Variants in MTHFD1 observed in about 807,000 individuals in gnomAD.
MTHFD1 encodes C-1-tetrahydrofolate synthase, cytoplasmic.
Under a neutral mutation model 110.3 loss-of-function variants are expected in MTHFD1, and 44 were observed. The observed-to-expected ratio is 0.40, with a 90% CI of 0.31 to 0.51. The LOEUF is 0.51. MTHFD1 is among the 20% of genes least tolerant of loss of function. The probability of loss-of-function intolerance (pLI) is 0.60; values close to 1 mark genes in which losing one functional copy is unlikely to be tolerated. For missense variants in MTHFD1, 909 were observed against 1,173.1 expected, an observed-to-expected ratio of 0.77 and a Z score of 3.29; for synonymous variants, 402 against 428.8, an observed-to-expected ratio of 0.94 and a Z score of 0.77.
intron 3 of MTHFD1, among the ~76,000 whole-genome samples, chr14:64,411,781 A>G (rs971969800): frequency 3.9e-5 from 6 of 152,066 alleles, no homozygotes; most frequent in Non-Finnish European, 5.9e-5. Context: ...CATGCCTGTA[A>G]TCCCAGCTAC....
At chr14:64,440,750 T>C in intron 18 of MTHFD1, 2 of 252,456 alleles carry the variant, frequency 7.9e-6, no homozygotes, top group South Asian at 4.8e-5. Context: ...TACAAATAAC[T>C]GAGTACTCTG....
At chr14:64,407,648 A>G (rs2077945698) in intron 2 of MTHFD1, among the ~76,000 whole-genome samples, 1 of 147,104 alleles carries the variant, frequency 6.8e-6, no homozygotes, top group African/African-American at 2.5e-5. Flanking sequence ...CCTGTCCCCC[A>G]GGGGATCCTC....
At chr14:64,435,384 G>C (rs1489728274) in intron 15 of MTHFD1, among the ~76,000 whole-genome samples, 185 bp from the exon 16 acceptor site, 1 of 152,010 alleles carries the variant, frequency 6.6e-6, no homozygotes, top group Non-Finnish European at 1.5e-5. Context: ...ATAATTTTTT[G>C]TAATGTCTTT....
At chr14:64,412,195 G>A (rs2077990373) in intron 3 of MTHFD1, among the ~76,000 whole-genome samples, 1 of 152,198 alleles carries the variant, frequency 6.6e-6, no homozygotes, top group Non-Finnish European at 1.5e-5. Flanking sequence ...GCATGACCCA[G>A]TTCCCAGCTT....
intron 2 of MTHFD1, among the ~76,000 whole-genome samples, chr14:64,408,197 TA>T (rs922500390): frequency 4.7e-5 from 7 of 148,000 alleles, no homozygotes; most frequent in Non-Finnish European, 7.4e-5. Context: ...ACTCCTGGTA[TA>T]AAAAAAAAGT....
chr14:64,415,638 G>A lies in MTHFD1; in HGVS notation c.378-1G>A. The A allele has an allele frequency of 1.2e-6, 2 of 1,612,786 alleles. No individual in the cohort carries two copies. The highest frequency in any genetic ancestry group is 1.7e-6 in the Non-Finnish European group (2 of 1,178,832). On this transcript the variant is annotated splice_acceptor_variant, in intron 5 of 27. Transcript: ENST00000652337. LOFTEE classifies it high-confidence loss of function. ...CTTCTTATTTCCATCACTTTTTTAAGATTGACTAGCATCAATGCTGGGAAA... is the reference window on the plus strand; with the variant it reads ...CTTCTTATTTCCATCACTTTTTTAAAATTGACTAGCATCAATGCTGGGAAA...
intron 22 of MTHFD1, among the ~76,000 whole-genome samples, chr14:64,445,901 A>G (rs2078286307): frequency 1.3e-5 from 2 of 152,230 alleles, no homozygotes; most frequent in Non-Finnish European, 2.9e-5. Flanking sequence ...GTTCTTTAGA[A>G]GCTCAAATAA....
At chr14:64,397,184 TATATATAA>T (rs1214363686) in intron 1 of MTHFD1, among the ~76,000 whole-genome samples, 3,157 of 13,388 alleles carry the variant, frequency 0.24, 725 homozygotes, top group Middle Eastern at 0.44. Context: ...TATATATATA[TATATATAA>T]AAAACAGTAA....
intron 18 of MTHFD1, 98 bp from the exon 19 acceptor site, chr14:64,441,287 A>G (rs1036356021): frequency 8.9e-7 from 1 of 1,122,018 alleles, no homozygotes; most frequent in Non-Finnish European, 1.4e-6. Context: ...TTGGTCCAAG[A>G]TGGCTAACAT....
At chr14:64,456,527 C>A (rs1042859510) in intron 26 of MTHFD1, among the ~76,000 whole-genome samples, 1 of 152,112 alleles carries the variant, frequency 6.6e-6, no homozygotes, top group Non-Finnish European at 1.5e-5. Context: ...GTGAAAATAT[C>A]AAAAATCCTA....
chr14:64,441,084 C>G, intron 18 of MTHFD1: 1 of 372,276 alleles, frequency 2.7e-6, no homozygotes, highest in Non-Finnish European at 5.2e-6. Context: ...CCCAGCTACT[C>G]GGGAGGCTGA....
rs1312467880 is a variant in MTHFD1, at chr14:64,415,742, A to G, written c.478+3A>G. The stretch of plus-strand genomic sequence containing the variant: ...CTTGGAACTCATCAAAGAGACAGGT[A>G]AAAACAACAAACCAAACAACAAGAA... On this transcript the variant is annotated splice_donor_region_variant and intron_variant, in intron 6 of 27. Coordinates refer to ENST00000652337, the MANE Select transcript of MTHFD1 (RefSeq NM_005956.4). The G allele has an allele frequency of 1.2e-6, 2 of 1,613,708 alleles. No homozygotes were observed. The highest frequency in any genetic ancestry group is 3.3e-5 in the Admixed American group (2 of 60,006).
rs1438326301 is a variant in MTHFD1, at chr14:64,418,110, T to A, written c.615+86T>A. 6 of 1,493,528 alleles carry A rather than the reference T, an allele frequency of 4.0e-6. No individual in the cohort carries two copies. The African/African-American group carries it at 8.3e-5, about 21-fold the overall frequency. The allele number at this position is 1,493,528 out of a possible 1,614,324, so 92.5% of individuals were successfully genotyped here. On this transcript the variant is annotated intron_variant, in intron 7 of 27. Coordinates refer to ENST00000652337, the MANE Select transcript of MTHFD1 (RefSeq NM_005956.4). Reference sequence around the variant, plus strand: ...TGCCATGTCCTTTACACTCATGACCTCATTTAACCCCATCATCTCATTTTT... The same window carrying A: ...TGCCATGTCCTTTACACTCATGACCACATTTAACCCCATCATCTCATTTTT...
chr14:64,418,068 G>T (rs750918357), intron 7 of MTHFD1, 44 bp downstream of exon 7: 250 of 1,612,550 alleles, frequency 1.6e-4, no homozygotes, highest in Non-Finnish European at 2.0e-4. Context: ...GGTGGGGAGG[G>T]TGGGTGTGCC....
chr14:64,457,563 C>T (rs546592094), intron 26 of MTHFD1, among the ~76,000 whole-genome samples: 1 of 151,634 alleles, frequency 6.6e-6, no homozygotes, highest in East Asian at 1.9e-4. Context: ...TCAAGCGATT[C>T]TCCTGCCTCA....
intron 22 of MTHFD1, among the ~76,000 whole-genome samples, chr14:64,447,519 G>A (rs1179837629): frequency 6.9e-6 from 1 of 144,876 alleles, no homozygotes; most frequent in African/African-American, 2.6e-5. Context: ...ATGTTTCCTA[G>A]GCTTGTCTCA....
At chr14:64,441,538 GGCTCACACCTGTAATCCCA>G in intron 19 of MTHFD1, 85 bp downstream of exon 19, 2 of 1,278,830 alleles carry the variant, frequency 1.6e-6, no homozygotes, top group South Asian at 2.4e-5. Flanking sequence ...AAGGCGCGGT[GGCTCACACCTGTAATCCCA>G]GCACTTTGGG....
intron 22 of MTHFD1, among the ~76,000 whole-genome samples, chr14:64,446,600 G>A (rs1185871920): frequency 6.6e-6 from 1 of 152,100 alleles, no homozygotes; most frequent in Non-Finnish European, 1.5e-5. Context: ...GGAGTGCAGT[G>A]GTGTGATCTC....
rs752870251 is a variant in MTHFD1, at chr14:64,412,542, T to C, written c.240+17T>C. The C allele has an allele frequency of 1.2e-6, 2 of 1,606,330 alleles. No individual in the cohort carries two copies. Among genetic ancestry groups the C allele is most frequent in the African/African-American group, 1.3e-5 (1 of 74,802 alleles). ...GAATCTGAGGTGAGCTTTTATGAGT[T>C]GATTGTGAAGAGGGAAGGTGAAGTG... On this transcript the variant is annotated intron_variant, in intron 4 of 27. Transcript: ENST00000652337.
Sources: allele counts gnomAD v4.1 joint callset (sites outside exome capture counted in the v4.1 genomes callset), GRCh38; gene constraint gnomAD v4.1.1; transcripts MANE v1.5; gene names NCBI Gene and HGNC (gene_info 2026-07-23, HGNC 2026-07-21).